OR1A1: variants seen among roughly 807,000 people sequenced by gnomAD.
OR1A1 encodes the protein olfactory receptor family 1 subfamily A member 1.
For missense variants in OR1A1, 391 were observed against 379.9 expected (o/e 1.03, Z -0.24); for synonymous variants, 145 against 147.8 (o/e 0.98, Z 0.13).
At position 3,215,663 on chromosome 17, in the gene OR1A1, C is replaced by A. The variant is rs751751647; in HGVS notation, c.43C>A (p.Leu15Met). ...GTCCTCTACACTGGAATTCATCCTC[C>A]TGGGAGTTACTGGTCAGCAGGAACA... ...NQSSTLEFIL[L>M]GVTGQQEQED... Residue 15 changes from leucine to methionine, a missense_variant, in exon 4 of 4, where the codon CTG becomes ATG. Leu to Met is a conservative substitution (Grantham distance 15, BLOSUM62 2). Coordinates refer to ENST00000641732, the MANE Select transcript of OR1A1 (RefSeq NM_014565.3). 3.1e-6 allele frequency: 5 copies of A among 1,614,096 alleles called. No homozygotes were observed. In the South Asian group the frequency reaches 5.5e-5, roughly 18 times the overall value.
chr17:3,209,844 T>G (rs2150595334), intron 2 of OR1A1, among the ~76,000 whole-genome samples: 1 of 152,320 alleles, frequency 6.6e-6, no homozygotes, highest in Middle Eastern at 3.4e-3. Flanking sequence ...TGCCTTTCAC[T>G]CCAGAGAAAA....
At chr17:3,215,383 C>T (rs999075890) in intron 3 of OR1A1, among the ~76,000 whole-genome samples, 8 of 152,148 alleles carry the variant, frequency 5.3e-5, no homozygotes, top group Non-Finnish European at 8.8e-5. Context: ...AGGATGGGCA[C>T]TTCTGATTCA....
Position 3,217,036 on chromosome 17 carries a change from A to G in OR1A1, c.*486A>G, listed in dbSNP as rs529888069. ...TCACTGTACCTTCCCAATCTTGGTC[A>G]GATAAAGTGCATCCAATAAATACTG... On this transcript the variant is annotated 3_prime_UTR_variant, in exon 4 of 4. Coordinates refer to ENST00000641732, the MANE Select transcript of OR1A1 (RefSeq NM_014565.3). 1 of 153,332 alleles carries G rather than the reference A, an allele frequency of 6.5e-6. No homozygotes were observed. The highest frequency in any genetic ancestry group is 2.1e-4 in the South Asian group (1 of 4,854). 9.5% of individuals were successfully genotyped at this position (153,332 alleles called of 1,614,324 possible). A position where few individuals can be genotyped will look rare whatever the true frequency, so the allele number is the denominator to read the frequency against.
intron 2 of OR1A1, among the ~76,000 whole-genome samples, chr17:3,210,666 C>T (rs766522273): frequency 5.9e-5 from 9 of 151,914 alleles, no homozygotes; most frequent in African/African-American, 1.9e-4. Context: ...AGTGCAGTGG[C>T]GCAATCTCGA....
intron 3 of OR1A1, chr17:3,214,450 G>A: frequency 6.7e-6 from 1 of 150,144 alleles, no homozygotes; most frequent in Non-Finnish European, 1.5e-5. Flanking sequence ...TTGAACCTGG[G>A]AGGCGGAGGT....
chr17:3,216,260 ATT>A lies in OR1A1; in HGVS notation c.641_642del (p.Ile214SerfsTer52). The A allele has an allele frequency of 6.2e-7, 1 of 1,614,152 alleles. No individual in the cohort carries two copies. Among genetic ancestry groups the A allele is most frequent in the Non-Finnish European group, 8.5e-7 (1 of 1,180,024 alleles). ...TTTCTCTGTGCCATTACTATGCATC[ATT>A]GTCTCCTATATTCGAGTCTTCTCCA... ...GIFSVPLLCI[I>X]VSYIRVFSTV... On this transcript the variant is annotated frameshift_variant, in exon 4 of 4. Coordinates refer to ENST00000641732, the MANE Select transcript of OR1A1 (RefSeq NM_014565.3). LOFTEE classifies it high-confidence loss of function.
chr17:3,215,734 A>G lies in OR1A1; in HGVS notation c.114A>G (p.Thr38=), dbSNP rs773114544. 1.2e-6 allele frequency: 2 copies of G among 1,613,972 alleles called. No homozygotes were observed. The highest frequency in any genetic ancestry group is 1.1e-5 in the South Asian group (1 of 91,072). The change falls in exon 4 of 4, where the codon ACA becomes ACG. Residue 38 remains threonine, a synonymous_variant. Coordinates refer to ENST00000641732, the MANE Select transcript of OR1A1 (RefSeq NM_014565.3). The part of the protein sequence containing the change: ...YILFLFIYPI[T]LIGNLLIVLA... ...TCTTCTTGTTCATTTACCCCATCAC[A>G]TTGATTGGAAACCTGCTCATCGTCC...
chr17:3,215,257 G>A (rs1356550195), intron 3 of OR1A1: 3 of 209,926 alleles, frequency 1.4e-5, no homozygotes, highest in East Asian at 2.0e-4. Context: ...AACTGTATTT[G>A]TCACATATTT....
Position 3,215,716 on chromosome 17 carries a change from G to T in OR1A1, c.96G>T (p.Leu32Phe). 6.2e-7 allele frequency: 1 copy of T among 1,614,052 alleles called. No individual in the cohort carries two copies. The highest frequency in any genetic ancestry group is 1.3e-5 in the African/African-American group (1 of 75,004). Residue 32 changes from leucine to phenylalanine, a missense_variant, in exon 4 of 4, where the codon TTG becomes TTT. Leu to Phe is a conservative substitution (Grantham distance 22). Transcript: ENST00000641732. ...AAGATTTCTTCTACATCCTCTTCTT[G>T]TTCATTTACCCCATCACATTGATTG... ...EQEDFFYILF[L>F]FIYPITLIGN... is the part of the protein sequence containing the mutation.
intron 2 of OR1A1, among the ~76,000 whole-genome samples, chr17:3,209,377 C>G (rs7222768): frequency 0.5 from 75,829 of 151,970 alleles, 19,395 homozygotes; most frequent in Middle Eastern, 0.6. Flanking sequence ...AATTTCAATA[C>G]TTTGGGAGGC....
intron 3 of OR1A1, 197 bp downstream of exon 3, chr17:3,212,796 T>C (rs184263804): frequency 6.6e-6 from 1 of 152,152 alleles, no homozygotes; most frequent in East Asian, 1.9e-4. Context: ...AGTGGAAGTT[T>C]AATAGGTGAA....
At chr17:3,215,496 T>G (rs1035590569) in intron 3 of OR1A1, 120 bp from the exon 4 acceptor site, 5 of 702,388 alleles carry the variant, frequency 7.1e-6, no homozygotes, top group Non-Finnish European at 9.3e-6. Context: ...CTCTATAATT[T>G]AATAAACTCA....
At chr17:3,209,929 G>T (rs940897091) in intron 2 of OR1A1, among the ~76,000 whole-genome samples, 1 of 151,778 alleles carries the variant, frequency 6.6e-6, no homozygotes, top group African/African-American at 2.4e-5. Context: ...ATTATTTTAT[G>T]GTTAAAATTT....
chr17:3,209,666 C>A (rs1295046324), intron 2 of OR1A1, among the ~76,000 whole-genome samples: 2 of 151,920 alleles, frequency 1.3e-5, no homozygotes, highest in Non-Finnish European at 2.9e-5. Flanking sequence ...CCCACTTGAG[C>A]GGCAGATTCA....
intron 2 of OR1A1, among the ~76,000 whole-genome samples, chr17:3,211,100 G>A (rs11078442): frequency 2.6e-5 from 4 of 151,800 alleles, no homozygotes; most frequent in Admixed American, 1.3e-4. Flanking sequence ...ATAGTTCATC[G>A]TCTCCTTGCC....
At chr17:3,214,659 C>T (rs770159672) in intron 3 of OR1A1, 4 of 151,904 alleles carry the variant, frequency 2.6e-5, no homozygotes, top group Non-Finnish European at 2.9e-5. Flanking sequence ...AGTTTGGTCA[C>T]GTTGGCAGTA....
rs2048469297 is a variant in OR1A1 at position 3,216,339 on chromosome 17, G to A, written c.719G>A (p.Cys240Tyr). The A allele has an allele frequency of 1.2e-6, 2 of 1,614,186 alleles. No individual in the cohort carries two copies. The highest frequency in any genetic ancestry group is 1.1e-5 in the South Asian group (1 of 91,082). The change falls in exon 4 of 4, where the codon TGT becomes TAT. Residue 240 changes from cysteine (C) to tyrosine (Y), a missense_variant. Cys to Tyr is a radical substitution (Grantham distance 194). Transcript: ENST00000641732. Reference sequence around the variant, plus strand: ...GGCGTGCTCAAGGCCTTCTCCACCTGTGGTTCCCACCTCACGGTTGTCTCT... The same window carrying A: ...GGCGTGCTCAAGGCCTTCTCCACCTATGGTTCCCACCTCACGGTTGTCTCT... ...TKGVLKAFSTCGSHLTVVSLY... is the reference protein window; with the variant it reads ...TKGVLKAFSTYGSHLTVVSLY...
rs572833986 is a variant in OR1A1 at position 3,209,588 on chromosome 17, C to T, written c.-139+590C>T. 1.1e-3 allele frequency among the ~76,000 whole-genome samples: 166 copies of T among 151,684 alleles called. 1 individual carries two copies. Among genetic ancestry groups the T allele is most frequent in the African/African-American group, 3.8e-3 (156 of 41,276 alleles). Reference sequence around the variant, plus strand: ...ATACAGGCATGCCATGTGAAATAAACACATCATGGAGATCTACAAATCCAA... The same window carrying T: ...ATACAGGCATGCCATGTGAAATAAATACATCATGGAGATCTACAAATCCAA... On this transcript the variant is annotated intron_variant, in intron 2 of 3. Coordinates refer to ENST00000641732, the MANE Select transcript of OR1A1 (RefSeq NM_014565.3).
intron 2 of OR1A1, among the ~76,000 whole-genome samples, chr17:3,211,486 C>G (rs1014306342): frequency 2.6e-5 from 4 of 152,102 alleles, no homozygotes; most frequent in Non-Finnish European, 5.9e-5. Context: ...CAGGTGTGCA[C>G]CACCACGCCC....
Sources: allele counts gnomAD v4.1 joint callset (sites outside exome capture counted in the v4.1 genomes callset), GRCh38; gene constraint gnomAD v4.1.1; transcripts MANE v1.5; gene names NCBI Gene and HGNC (gene_info 2026-07-23, HGNC 2026-07-21).